Variants in TCF7L1 observed in about 807,000 individuals in gnomAD.
TCF7L1 encodes transcription factor 7-like 1.
A neutral mutation model predicts 63.7 loss-of-function variants in TCF7L1; 18 were observed. The ratio of observed to expected loss-of-function variants is 0.28; its 90% CI spans 0.20 to 0.42. TCF7L1 has a LOEUF of 0.42. Ranked by LOEUF, TCF7L1 falls within the 10% of genes least tolerant of loss-of-function variation. The pLI is 1.00. For synonymous variants in TCF7L1, 355 were observed against 340.9 expected (o/e 1.04, Z -0.46); for missense variants, 654 against 779.3 (o/e 0.84, Z 1.91).
At chr2:85,273,555 T>G (rs1681202809) in intron 3 of TCF7L1, among the ~76,000 whole-genome samples, 1 of 152,234 alleles carries the variant, frequency 6.6e-6, no homozygotes, top group African/African-American at 2.4e-5. Context: ...CTCTCCCAGG[T>G]TGCTGTTAGC....
At chr2:85,305,154 C>A in intron 7 of TCF7L1, 106 bp from the exon 8 acceptor site, 2 of 1,479,012 alleles carry the variant, frequency 1.4e-6, no homozygotes, top group Non-Finnish European at 1.9e-6. Context: ...CTCTGCCCCA[C>A]GGACATGCCT....
intron 3 of TCF7L1, among the ~76,000 whole-genome samples, chr2:85,200,015 T>C (rs1252924418): frequency 1.3e-5 from 2 of 152,264 alleles, no homozygotes; most frequent in Non-Finnish European, 1.5e-5. Context: ...TGGCCTTTTA[T>C]GTCCAGCTTT....
In TCF7L1 at chr2:85,133,964, A is replaced by G. The variant is rs751198455; in HGVS notation, c.249+31A>G. On this transcript the variant is annotated intron_variant, in intron 1 of 11. Coordinates refer to ENST00000282111, the MANE Select transcript of TCF7L1 (RefSeq NM_031283.3). This position sits in a 1 kb window ranked among gnomAD's most constrained non-coding sequence, Gnocchi z 4.4. ...GAAGCACCGCGGCCACCCCCGGGGG[A>G]TCCCGGCCCTGCGTCCGCTCACCCG... 10 of 1,578,518 alleles carry G rather than the reference A, an allele frequency of 6.3e-6. No homozygotes were observed. Among genetic ancestry groups the G allele is most frequent in the Non-Finnish European group, 7.8e-6 (9 of 1,161,068 alleles).
intron 3 of TCF7L1, among the ~76,000 whole-genome samples, chr2:85,165,437 T>A (rs567427198): frequency 1.3e-5 from 2 of 152,326 alleles, no homozygotes; most frequent in East Asian, 3.9e-4. Context: ...CCCTGGCCAG[T>A]CAGTCTCAAG....
intron 3 of TCF7L1, among the ~76,000 whole-genome samples, chr2:85,242,162 C>T (rs1442011441): frequency 1.3e-5 from 2 of 152,210 alleles, no homozygotes; most frequent in African/African-American, 4.8e-5. Flanking sequence ...ACCTACAAGG[C>T]CCCAGGGGCT....
chr2:85,191,469 C>A (rs1282990465), intron 3 of TCF7L1, among the ~76,000 whole-genome samples: 1 of 152,228 alleles, frequency 6.6e-6, no homozygotes, highest in Non-Finnish European at 1.5e-5. Flanking sequence ...AGTGGGATGG[C>A]ACCTCTCATA....
chr2:85,306,738 C>T lies in TCF7L1; in HGVS notation c.1257+179C>T, dbSNP rs565545289. On this transcript the variant is annotated intron_variant, in intron 10 of 11. Coordinates refer to ENST00000282111, the MANE Select transcript of TCF7L1 (RefSeq NM_031283.3). This position sits in a 1 kb window ranked among gnomAD's most constrained non-coding sequence, Gnocchi z 4.3. ...TGCATGCAGTGGCGCGATCTCGGCT[C>T]ACTGCAAGCTCCGCCTCCCCGGTTC... Among the ~76,000 whole-genome samples the T allele has an allele frequency of 9.2e-5, 14 of 152,322 alleles. No homozygotes were observed. The highest frequency in any genetic ancestry group is 3.4e-4 in the African/African-American group (14 of 41,574).
rs939253608 is a variant in TCF7L1 at position 85,289,254 on chromosome 2, A to G, written c.525+5676A>G. ...TGTGTGTGTGTGTGTGTGTGTGTGT[A>G]TACTTATAACTTGCTCTCTGATGAC... On this transcript the variant is annotated intron_variant, in intron 4 of 11. Coordinates refer to ENST00000282111, the MANE Select transcript of TCF7L1 (RefSeq NM_031283.3). Among the ~76,000 whole-genome samples the G allele has an allele frequency of 5.9e-4, 66 of 112,184 alleles. 1 individual carries two copies. The highest frequency in any genetic ancestry group is 4.9e-3 in the Middle Eastern group (1 of 204). 73.6% of individuals were successfully genotyped at this position (112,184 alleles called of 152,430 possible). A position where few individuals can be genotyped will look rare whatever the true frequency, so the allele number is the denominator to read the frequency against.
At chr2:85,262,033 T>C in intron 3 of TCF7L1, 1 of 527,926 alleles carries the variant, frequency 1.9e-6, no homozygotes, top group Admixed American at 1.9e-5. Context: ...ACTTCATTGA[T>C]CATTTCTAGC....
intron 3 of TCF7L1, among the ~76,000 whole-genome samples, chr2:85,205,434 T>G (rs1679382487): frequency 6.6e-6 from 1 of 152,112 alleles, no homozygotes; most frequent in South Asian, 2.1e-4. Context: ...TATCTTGAAA[T>G]GATGGACTCA....
chr2:85,307,741 T>C, intron 11 of TCF7L1, 24 bp downstream of exon 11: 1 of 1,607,444 alleles, frequency 6.2e-7, no homozygotes, highest in East Asian at 2.2e-5. Flanking sequence ...CACTGGCCTC[T>C]TCTCCTGCTT....
At chr2:85,251,660 G>A (rs896321522) in intron 3 of TCF7L1, among the ~76,000 whole-genome samples, 2 of 152,178 alleles carry the variant, frequency 1.3e-5, no homozygotes, top group African/African-American at 2.4e-5. Context: ...CTTGTAAATC[G>A]CCGCTTTTTG....
intron 10 of TCF7L1, among the ~76,000 whole-genome samples, chr2:85,307,395 G>A (rs992414663): frequency 3.9e-5 from 6 of 152,204 alleles, no homozygotes; most frequent in Non-Finnish European, 8.8e-5. Flanking sequence ...GGGCAGTGGA[G>A]GGAGGAGGCC....
At chr2:85,211,287 T>C (rs549193242) in intron 3 of TCF7L1, among the ~76,000 whole-genome samples, 81 of 152,338 alleles carry the variant, frequency 5.3e-4, no homozygotes, top group African/African-American at 1.8e-3. Context: ...GTACATCAGT[T>C]CTCTGAGTTG....
intron 3 of TCF7L1, among the ~76,000 whole-genome samples, chr2:85,140,415 G>A (rs909920593): frequency 1.3e-5 from 2 of 152,170 alleles, no homozygotes; most frequent in Non-Finnish European, 2.9e-5. Context: ...GTCGTTGGAG[G>A]AGGATGGAAG....
chr2:85,264,445 G>A (rs1162448995), intron 3 of TCF7L1, among the ~76,000 whole-genome samples: 1 of 152,190 alleles, frequency 6.6e-6, no homozygotes, highest in Non-Finnish European at 1.5e-5. Flanking sequence ...CAGTGATTGG[G>A]TTTCAGAGTC....
intron 3 of TCF7L1, among the ~76,000 whole-genome samples, chr2:85,164,115 A>T (rs570551831): frequency 1.8e-4 from 27 of 151,488 alleles, no homozygotes; most frequent in African/African-American, 6.3e-4. Context: ...GTAGCTGCAT[A>T]TTTTTTTTTC....
At chr2:85,161,498 C>G (rs1254472292) in intron 3 of TCF7L1, among the ~76,000 whole-genome samples, 1 of 152,052 alleles carries the variant, frequency 6.6e-6, no homozygotes, top group African/African-American at 2.4e-5. Context: ...CCTGCCCTCC[C>G]CGGGCTTGCT....
chr2:85,161,897 G>A (rs1431916594), intron 3 of TCF7L1, among the ~76,000 whole-genome samples: 1 of 152,096 alleles, frequency 6.6e-6, no homozygotes, highest in African/African-American at 2.4e-5. Flanking sequence ...GAGCCGGAGG[G>A]GGAGCCAGGG....
Sources: gnomAD v4.1 joint callset for allele counts (sites outside exome capture counted in the v4.1 genomes callset) on GRCh38, gnomAD v4.1.1 for gene constraint, Gnocchi (gnomAD v3.1) non-coding constraint, MANE v1.5 for transcripts, NCBI Gene and HGNC (gene_info 2026-07-23, HGNC 2026-07-21) for gene names.